The following GRIA4 variants were observed in gnomAD, a reference collection of about 807,000 sequenced individuals.
GRIA4 encodes glutamate receptor 4.
Under a neutral mutation model 104.0 loss-of-function variants are expected in GRIA4, and 34 were observed. That is an observed-to-expected ratio of 0.33 (90% CI 0.25 to 0.44). The LOEUF is 0.44. Among genes scored for constraint, GRIA4 ranks in the 20% least tolerant of loss-of-function variants. The pLI, the probability that GRIA4 is intolerant of heterozygous loss-of-function variation, is 1.00. For synonymous variants in GRIA4, 386 were observed against 381.9 expected, an observed-to-expected ratio of 1.01 and a Z score of -0.13; for missense variants, 750 against 1,096.5, an observed-to-expected ratio of 0.68 and a Z score of 4.46.
chr11:105,791,564 A>G (rs1942215846), intron 4 of GRIA4, among the ~76,000 whole-genome samples: 3 of 152,132 alleles, frequency 2.0e-5, no homozygotes, highest in Admixed American at 1.3e-4. Context: ...CAGTTTCTAA[A>G]TGTGCCATGG....
Position 105,631,560 on chromosome 11 carries a change from CTGTG to C in GRIA4, c.247+19132_247+19135del, listed in dbSNP as rs2135311572. On this transcript the variant is annotated intron_variant, in intron 3 of 16. Coordinates refer to ENST00000282499, the MANE Select transcript of GRIA4 (RefSeq NM_000829.4). Reference sequence around the variant, plus strand: ...TCTATATTCTATATTCCTTATGCATCTGTGTGTGTTTGCTACCAAGTTATTTGCC... The same window carrying C: ...TCTATATTCTATATTCCTTATGCATCTGTGTTTGCTACCAAGTTATTTGCC... 2.6e-5 allele frequency among the ~76,000 whole-genome samples: 4 copies of C among 152,260 alleles called. No individual in the cohort carries two copies. The East Asian group carries it at 7.7e-4, about 29-fold the overall frequency.
At chr11:105,690,899 T>A (rs1953060649) in intron 3 of GRIA4, among the ~76,000 whole-genome samples, 1 of 152,232 alleles carries the variant, frequency 6.6e-6, no homozygotes, top group South Asian at 2.1e-4. Context: ...CTCCATGAGT[T>A]AATTGGCCAA....
chr11:105,699,504 G>A (rs1953407788), intron 3 of GRIA4, among the ~76,000 whole-genome samples: 1 of 152,108 alleles, frequency 6.6e-6, no homozygotes. Context: ...TTTTCTTTCA[G>A]TCCGTTCTGC....
At chr11:105,632,487 A>C (rs1951059563) in intron 3 of GRIA4, among the ~76,000 whole-genome samples, 2 of 152,208 alleles carry the variant, frequency 1.3e-5, no homozygotes, top group African/African-American at 4.8e-5. Flanking sequence ...GCCTGGATTC[A>C]GCACCCAGCT....
chr11:105,946,388 G>C (rs772988026), intron 14 of GRIA4, among the ~76,000 whole-genome samples: 2 of 152,012 alleles, frequency 1.3e-5, no homozygotes, highest in African/African-American at 2.4e-5. Context: ...ATTGAGACTG[G>C]CCTGGGCAAC....
At chr11:105,841,593 C>G (rs1337213453) in intron 4 of GRIA4, among the ~76,000 whole-genome samples, 2 of 151,980 alleles carry the variant, frequency 1.3e-5, no homozygotes, top group Admixed American at 6.6e-5. Context: ...TCCTACTTTT[C>G]TAGAATTCAA....
rs759124604 is a variant in GRIA4, at chr11:105,974,339, T to C, written c.2439T>C (p.Asn813=). ...KDKTSALSLS[N]VAGVFYILVG... is the part of the protein sequence containing the mutation. ...AGACGAGTGCCTTGAGCCTGAGCAA[T>C]GTAGCAGGCGTCTTCTACATTCTGG... The change falls in exon 16 of 17, where the codon AAT becomes AAC. Residue 813 remains asparagine, a synonymous_variant. Transcript: ENST00000282499. 2.5e-6 allele frequency: 4 copies of C among 1,613,934 alleles called. No homozygotes were observed. The highest frequency in any genetic ancestry group is 1.7e-5 in the Admixed American group (1 of 60,010).
In GRIA4 at chr11:105,949,135, G is replaced by A. The variant is rs557157224; in HGVS notation, c.2294+15166G>A. On this transcript the variant is annotated intron_variant, in intron 14 of 16. Transcript: ENST00000282499. ...ATAATCTCACTGAAATATCTTCTAAGATTATTTTGTTTATACAGTGGATCA... is the reference window on the plus strand; with the variant it reads ...ATAATCTCACTGAAATATCTTCTAAAATTATTTTGTTTATACAGTGGATCA... Among the ~76,000 whole-genome samples the A allele has an allele frequency of 7.2e-5, 11 of 152,218 alleles. No individual in the cohort carries two copies. In the South Asian group the frequency reaches 2.3e-3, roughly 32 times the overall value.
chr11:105,908,770 C>G (rs758745520), intron 9 of GRIA4, among the ~76,000 whole-genome samples: 21 of 152,080 alleles, frequency 1.4e-4, no homozygotes, highest in Admixed American at 6.6e-5. Flanking sequence ...AAATGTATCC[C>G]AGATCTGTGA....
At chr11:105,870,710 A>G (rs918376309) in intron 5 of GRIA4, among the ~76,000 whole-genome samples, 2 of 152,048 alleles carry the variant, frequency 1.3e-5, no homozygotes, top group African/African-American at 4.8e-5. Context: ...GAGCCTAACC[A>G]CAGAGGGTAT....
chr11:105,743,997 A>G (rs1312390167), intron 3 of GRIA4, among the ~76,000 whole-genome samples: 1 of 152,054 alleles, frequency 6.6e-6, no homozygotes. Flanking sequence ...TAGCCTACTT[A>G]CTGGTTTGTA....
Position 105,877,019 on chromosome 11 carries a change from A to G in GRIA4, c.673-10500A>G, listed in dbSNP as rs528014047. 8.5e-5 allele frequency among the ~76,000 whole-genome samples: 13 copies of G among 152,324 alleles called. No homozygotes were observed. In the South Asian group the frequency reaches 2.7e-3, roughly 32 times the overall value. ...TTTCTTCATAGTGTCAATGGTCTTT[A>G]CAATTGAGTATGTTTTTTGCAGTGG... is the stretch of plus-strand genomic sequence containing the variant. On this transcript the variant is annotated intron_variant, in intron 5 of 16. Coordinates refer to ENST00000282499, the MANE Select transcript of GRIA4 (RefSeq NM_000829.4).
At chr11:105,931,780 T>C (rs2136207929) in intron 13 of GRIA4, among the ~76,000 whole-genome samples, 1 of 152,282 alleles carries the variant, frequency 6.6e-6, no homozygotes, top group East Asian at 1.9e-4. Context: ...AAATCAGTGA[T>C]TGTGTGGTTT....
chr11:105,780,972 C>T (rs1298269334), intron 4 of GRIA4, among the ~76,000 whole-genome samples: 1 of 152,152 alleles, frequency 6.6e-6, no homozygotes. Flanking sequence ...AGTCATTCAA[C>T]CTCTAGCTCA....
chr11:105,804,676 T>C (rs1942870838), intron 4 of GRIA4, among the ~76,000 whole-genome samples: 2 of 151,950 alleles, frequency 1.3e-5, no homozygotes, highest in Admixed American at 1.3e-4. Context: ...TATGGATGAT[T>C]GCACAATTTT....
chr11:105,919,560 C>A (rs1003145069), intron 11 of GRIA4, among the ~76,000 whole-genome samples: 1 of 152,068 alleles, frequency 6.6e-6, no homozygotes, highest in Non-Finnish European at 1.5e-5. Context: ...GCATGTTATG[C>A]GCCTCCCTTG....
intron 4 of GRIA4, among the ~76,000 whole-genome samples, chr11:105,789,945 C>T (rs749387026): frequency 4.6e-5 from 7 of 152,104 alleles, no homozygotes; most frequent in Non-Finnish European, 8.8e-5. Flanking sequence ...CTGAAGCACT[C>T]CTATTTAAAA....
chr11:105,783,745 TG>T (rs1941832365), intron 4 of GRIA4, among the ~76,000 whole-genome samples: 1 of 9,984 alleles, frequency 1.0e-4, no homozygotes. Flanking sequence ...GGATGTTATT[TG>T]TGTGTGTGTG....
intron 6 of GRIA4, among the ~76,000 whole-genome samples, chr11:105,894,678 G>A (rs577166588): frequency 2.6e-5 from 4 of 151,996 alleles, no homozygotes; most frequent in Admixed American, 2.0e-4. Flanking sequence ...AAGAGGGAAG[G>A]AAAGAAACAA....
Sources: gnomAD v4.1 joint callset for allele counts (sites outside exome capture counted in the v4.1 genomes callset) on GRCh38, gnomAD v4.1.1 for gene constraint, MANE v1.5 for transcripts, NCBI Gene and HGNC (gene_info 2026-07-23, HGNC 2026-07-21) for gene names.